TAFA1: variants seen among roughly 807,000 people sequenced by gnomAD.
TAFA1 encodes TAFA chemokine like family member 1, also known as chemokine-like protein TAFA-1.
Under a neutral mutation model 18.5 loss-of-function variants are expected in TAFA1, and 4 were observed. The observed-to-expected ratio is 0.22, with a 90% CI of 0.11 to 0.49. The LOEUF is 0.49. Among genes scored for constraint, TAFA1 ranks in the 20% least tolerant of loss-of-function variants. TAFA1 has a pLI of 0.98. For synonymous variants in TAFA1, 56 were observed against 55.2 expected (o/e 1.01, Z -0.06); for missense variants, 147 against 169.0 (o/e 0.87, Z 0.72).
chr3:68,389,514 A>T (rs781060196), intron 2 of TAFA1, among the ~76,000 whole-genome samples: 2 of 152,236 alleles, frequency 1.3e-5, no homozygotes, highest in Non-Finnish European at 2.9e-5. Context: ...TTGAAATATT[A>T]GTAAATACTG....
intron 2 of TAFA1, among the ~76,000 whole-genome samples, chr3:68,208,061 T>C (rs1325439734): frequency 1.3e-5 from 2 of 152,084 alleles, no homozygotes; most frequent in East Asian, 3.9e-4. Flanking sequence ...TGTCTGTTTA[T>C]ATTTTTCATT....
intron 3 of TAFA1, among the ~76,000 whole-genome samples, chr3:68,525,164 A>AT (rs918168017): frequency 6.6e-6 from 1 of 152,116 alleles, no homozygotes. Flanking sequence ...TCCTTTGATT[A>AT]TTTTTTTAGC....
chr3:68,043,472 AT>A (rs1705209088), intron 2 of TAFA1, among the ~76,000 whole-genome samples: 2 of 152,238 alleles, frequency 1.3e-5, no homozygotes, highest in African/African-American at 2.4e-5. Context: ...TGCTTAATTA[AT>A]TTCCTTTAAA....
At chr3:68,176,872 C>T (rs1457837244) in intron 2 of TAFA1, among the ~76,000 whole-genome samples, 1 of 151,894 alleles carries the variant, frequency 6.6e-6, no homozygotes, top group Non-Finnish European at 1.5e-5. Context: ...AAAAGCTCAA[C>T]CTGGGAGTAG....
intron 2 of TAFA1, among the ~76,000 whole-genome samples, chr3:68,363,368 T>C (rs1046499253): frequency 2.6e-5 from 4 of 152,200 alleles, no homozygotes; most frequent in African/African-American, 9.7e-5. Flanking sequence ...TGCTAGGACC[T>C]GTGCTAAATG....
intron 2 of TAFA1, among the ~76,000 whole-genome samples, chr3:68,226,931 G>C (rs2066808144): frequency 6.6e-6 from 1 of 152,178 alleles, no homozygotes; most frequent in Admixed American, 6.5e-5. Flanking sequence ...CCACCAGGAA[G>C]CTGACTAGCA....
chr3:68,487,920 T>C (rs7612212), intron 3 of TAFA1, among the ~76,000 whole-genome samples: 30,339 of 151,872 alleles, frequency 0.2, 3,186 homozygotes, highest in African/African-American at 0.23. Flanking sequence ...TGGAGGGTTT[T>C]ACAGAAAGAA....
intron 2 of TAFA1, among the ~76,000 whole-genome samples, chr3:68,156,555 C>T (rs943150191): frequency 4.6e-5 from 7 of 152,082 alleles, no homozygotes; most frequent in Admixed American, 3.9e-4. Context: ...TGAGTAAATG[C>T]ATAAACATTG....
intron 2 of TAFA1, among the ~76,000 whole-genome samples, chr3:68,279,112 C>A (rs943844911): frequency 1.1e-4 from 16 of 152,112 alleles, no homozygotes; most frequent in African/African-American, 3.1e-4. Context: ...AATTAATCAG[C>A]CATGTCTAAC....
chr3:68,396,316 A>T (rs2070382669), intron 2 of TAFA1, among the ~76,000 whole-genome samples: 1 of 152,154 alleles, frequency 6.6e-6, no homozygotes, highest in African/African-American at 2.4e-5. Flanking sequence ...CCATGATACC[A>T]TAACTCACAT....
intron 2 of TAFA1, among the ~76,000 whole-genome samples, chr3:68,119,327 C>T (rs2065360430): frequency 6.6e-6 from 1 of 152,050 alleles, no homozygotes; most frequent in African/African-American, 2.4e-5. Context: ...TCTCTCATTC[C>T]ATACATTGCC....
intron 2 of TAFA1, among the ~76,000 whole-genome samples, chr3:68,184,258 A>G (rs1273585526): frequency 6.6e-6 from 1 of 152,154 alleles, no homozygotes; most frequent in Non-Finnish European, 1.5e-5. Flanking sequence ...GAGGATGGAT[A>G]CGGTAATGAA....
chr3:68,412,798 C>G (rs1339082955), intron 2 of TAFA1, among the ~76,000 whole-genome samples: 1 of 152,232 alleles, frequency 6.6e-6, no homozygotes, highest in East Asian at 1.9e-4. Flanking sequence ...TGGCTTGGTT[C>G]CAAGTCTTTG....
intron 2 of TAFA1, among the ~76,000 whole-genome samples, chr3:68,065,992 A>C (rs910423432): frequency 3.9e-5 from 6 of 152,132 alleles, no homozygotes; most frequent in African/African-American, 1.4e-4. Flanking sequence ...AAATGTGTAC[A>C]TACTGTATGG....
intron 2 of TAFA1, among the ~76,000 whole-genome samples, chr3:68,073,215 G>A (rs564987298): frequency 3.3e-5 from 5 of 152,210 alleles, no homozygotes; most frequent in South Asian, 4.1e-4. Context: ...TATACCTAGG[G>A]CTTTGTTATA....
At chr3:68,212,279 G>T (rs1163624032) in intron 2 of TAFA1, among the ~76,000 whole-genome samples, 1 of 151,586 alleles carries the variant, frequency 6.6e-6, no homozygotes, top group Non-Finnish European at 1.5e-5. Context: ...GAGGAGAGGG[G>T]TAAGAGATGA....
intron 2 of TAFA1, among the ~76,000 whole-genome samples, chr3:68,020,160 TCCCATCAAAATGGGC>T (rs1443800650): frequency 2.2e-4 from 34 of 152,070 alleles, no homozygotes; most frequent in Admixed American, 6.6e-5. Flanking sequence ...AATTCAGTTG[TCCCATCAAAATGGGC>T]CACGTAGCAT....
intron 3 of TAFA1, among the ~76,000 whole-genome samples, chr3:68,537,579 C>G (rs905190904): frequency 2.6e-5 from 4 of 152,056 alleles, no homozygotes; most frequent in Admixed American, 6.6e-5. Context: ...GTTAATTTTT[C>G]CTAGACTGGA....
chr3:68,063,916 T>C (rs2064639172), intron 2 of TAFA1, among the ~76,000 whole-genome samples: 1 of 152,182 alleles, frequency 6.6e-6, no homozygotes. Context: ...GATTACCCAC[T>C]CTGGCGATGC....
Sources: gnomAD v4.1 joint callset for allele counts (sites outside exome capture counted in the v4.1 genomes callset) on GRCh38, gnomAD v4.1.1 for gene constraint, MANE v1.5 for transcripts, NCBI Gene and HGNC (gene_info 2026-07-23, HGNC 2026-07-21) for gene names.